The following TNRC6A variants were observed in gnomAD, a reference collection of about 807,000 sequenced individuals.
TNRC6A encodes the protein trinucleotide repeat-containing gene 6A protein.
Under a neutral mutation model 221.2 loss-of-function variants are expected in TNRC6A, and 44 were observed. That is an observed-to-expected ratio of 0.20 (90% CI 0.16 to 0.26). TNRC6A has a LOEUF of 0.26. TNRC6A is among the 10% of genes least tolerant of loss of function. The pLI, the probability that TNRC6A is intolerant of heterozygous loss-of-function variation, is 1.00. For missense variants in TNRC6A, 2,199 were observed against 2,404.4 expected (o/e 0.91, Z 1.79); for synonymous variants, 847 against 838.5 (o/e 1.01, Z -0.18).
At chr16:24,616,669 G>T (rs1467825555) in intron 1 of TNRC6A, among the ~76,000 whole-genome samples, 2 of 152,114 alleles carry the variant, frequency 1.3e-5, no homozygotes, top group African/African-American at 2.4e-5. Context: ...GGTGGTTCAT[G>T]CCTGTAATCC....
intron 4 of TNRC6A, among the ~76,000 whole-genome samples, chr16:24,761,788 C>T (rs1016218806): frequency 2.0e-5 from 3 of 152,120 alleles, no homozygotes; most frequent in Non-Finnish European, 4.4e-5. Flanking sequence ...GCCTCAGGCT[C>T]CTGAGTAGTT....
At position 24,823,814 on chromosome 16, in the gene TNRC6A, A is replaced by G; in HGVS notation, c.*7A>G. 2 of 1,398,526 alleles carry G rather than the reference A, an allele frequency of 1.4e-6. No individual in the cohort carries two copies. The highest frequency in any genetic ancestry group is 1.9e-6 in the Non-Finnish European group (2 of 1,072,450). 86.6% of individuals were successfully genotyped at this position (1,398,526 alleles called of 1,614,324 possible). Reference sequence around the variant, plus strand: ...GGGTGGAGAGTCCATGTAACAGTGTAGATGCAGACTCACCGACCGGGACCT... The same window carrying G: ...GGGTGGAGAGTCCATGTAACAGTGTGGATGCAGACTCACCGACCGGGACCT... On this transcript the variant is annotated 3_prime_UTR_variant, in exon 25 of 25. Transcript: ENST00000395799. The surrounding 1 kb of genome is among the most constrained non-coding windows in gnomAD (Gnocchi z 4.3).
At chr16:24,762,204 T>A (rs944621451) in intron 4 of TNRC6A, among the ~76,000 whole-genome samples, 24 of 152,330 alleles carry the variant, frequency 1.6e-4, no homozygotes, top group Admixed American at 3.9e-4. Context: ...TGAAATTAAG[T>A]CAACATTTAT....
At position 24,793,878 on chromosome 16, in the gene TNRC6A, A is replaced by G. The variant is rs11860117; in HGVS notation, c.3352+229A>G. 8.6e-3 allele frequency among the ~76,000 whole-genome samples: 1,317 copies of G among 152,308 alleles called. 22 individuals carry two copies. The highest frequency in any genetic ancestry group is 0.03 in the African/African-American group (1,250 of 41,550). On this transcript the variant is annotated intron_variant, in intron 7 of 24. Coordinates refer to ENST00000395799, the MANE Select transcript of TNRC6A (RefSeq NM_014494.4). ...TAGAACTGTAACTATTCATTTGCATATACTTCATCAAATCTAAATTATATT... is the reference window on the plus strand; with the variant it reads ...TAGAACTGTAACTATTCATTTGCATGTACTTCATCAAATCTAAATTATATT...
intron 1 of TNRC6A, among the ~76,000 whole-genome samples, chr16:24,630,183 C>T (rs969220527): frequency 1.3e-5 from 2 of 152,122 alleles, no homozygotes; most frequent in Non-Finnish European, 2.9e-5. Flanking sequence ...GCTTTCTCTC[C>T]TTTTATAGTA....
chr16:24,665,211 A>G (rs2055132951), intron 2 of TNRC6A, among the ~76,000 whole-genome samples: 1 of 152,054 alleles, frequency 6.6e-6, no homozygotes, highest in Non-Finnish European at 1.5e-5. Context: ...CTGGGACTAC[A>G]AGCTCATGTT....
chr16:24,635,677 C>A (rs562427705), intron 1 of TNRC6A, among the ~76,000 whole-genome samples: 1 of 152,188 alleles, frequency 6.6e-6, no homozygotes, highest in Non-Finnish European at 1.5e-5. Context: ...AAACAATTAC[C>A]ATTTGTGTAT....
intron 2 of TNRC6A, among the ~76,000 whole-genome samples, chr16:24,699,740 C>G (rs2055932779): frequency 6.7e-6 from 1 of 149,036 alleles, no homozygotes; most frequent in African/African-American, 2.5e-5. Flanking sequence ...AAAAAAAAAG[C>G]TTCTGAGAAA....
At chr16:24,635,069 T>C (rs1901555561) in intron 1 of TNRC6A, among the ~76,000 whole-genome samples, 1 of 151,556 alleles carries the variant, frequency 6.6e-6, no homozygotes, top group African/African-American at 2.4e-5. Context: ...GTCACCTTTC[T>C]TTCTTTTTCT....
rs1293113046 is a variant in TNRC6A, at chr16:24,825,100, CAA to C, written c.*1294_*1295del. ...AATCAGTAACTATGCATACTGTAAC[CAA>C]GGTATTGGGCTTACAGAGTTGTTTG... On this transcript the variant is annotated 3_prime_UTR_variant, in exon 25 of 25. Coordinates refer to ENST00000395799, the MANE Select transcript of TNRC6A (RefSeq NM_014494.4). The C allele has an allele frequency of 6.6e-6, 1 of 152,550 alleles. No homozygotes were observed. Among genetic ancestry groups the C allele is most frequent in the African/African-American group, 2.4e-5 (1 of 41,414 alleles). The allele number at this position is 152,550 out of a possible 1,614,324, so 9.4% of individuals were successfully genotyped here.
intron 1 of TNRC6A, among the ~76,000 whole-genome samples, chr16:24,611,980 G>A (rs1260711207): frequency 1.3e-5 from 2 of 152,128 alleles, no homozygotes; most frequent in Admixed American, 6.6e-5. Flanking sequence ...TGTAATCCCA[G>A]CTACTCGAGA....
At chr16:24,746,733 T>C (rs2057018693) in intron 2 of TNRC6A, among the ~76,000 whole-genome samples, 1 of 152,220 alleles carries the variant, frequency 6.6e-6, no homozygotes, top group East Asian at 1.9e-4. Context: ...ATACTTCTGA[T>C]AGCAAGTACA....
At chr16:24,718,357 T>C (rs1489808950) in intron 2 of TNRC6A, among the ~76,000 whole-genome samples, 1 of 152,224 alleles carries the variant, frequency 6.6e-6, no homozygotes, top group East Asian at 1.9e-4. Flanking sequence ...GACTCACATC[T>C]GTATTCTTAT....
At chr16:24,781,043 CTTTTTTTTTTTTTT>C (rs35502747) in intron 5 of TNRC6A, among the ~76,000 whole-genome samples, 4 of 53,426 alleles carry the variant, frequency 7.5e-5, no homozygotes, top group African/African-American at 3.5e-4. Flanking sequence ...CCTCCATACT[CTTTTTTTTTTTTTT>C]TTTTTTTTTT....
At position 24,696,347 on chromosome 16, in the gene TNRC6A, CA is replaced by C. The variant is rs56696667; in HGVS notation, n.403-54359del. Among the ~76,000 whole-genome samples, 593 of 125,562 alleles carry C rather than the reference CA, an allele frequency of 4.7e-3. 5 individuals carry two copies. The highest frequency in any genetic ancestry group is 0.016 in the African/African-American group (545 of 33,834). 82.4% of individuals were successfully genotyped at this position (125,562 alleles called of 152,430 possible). On this transcript the variant is annotated intron_variant and non_coding_transcript_variant, in intron 2 of 2. Coordinates refer to the TNRC6A transcript ENST00000566108. The stretch of plus-strand genomic sequence containing the variant: ...TGAGCGACAGAGTCAGACTCCATCT[CA>C]AAAAAAAAAAAAAAAAAAAGAAAGT...
chr16:24,640,457 G>C (rs141905750), intron 1 of TNRC6A, among the ~76,000 whole-genome samples: 3,786 of 151,816 alleles, frequency 0.025, 151 homozygotes, highest in African/African-American at 0.086. Context: ...GCTGGTCACA[G>C]TGGCTCACAC....
chr16:24,649,190 G>T, intron 2 of TNRC6A, among the ~76,000 whole-genome samples: 1 of 152,220 alleles, frequency 6.6e-6, no homozygotes, highest in East Asian at 1.9e-4. Flanking sequence ...ATATATTTAT[G>T]ATGCACAATT....
rs921417174 is a variant in TNRC6A at position 24,791,353 on chromosome 16, C to T, written c.2711C>T (p.Pro904Leu). ...TTCACTTGGGGAAACAACATAAATC[C>T]AAATAATTCATCAGGATGGGATGAA... ...SSFTWGNNINPNNSSGWDESS... is the reference protein window; with the variant it reads ...SSFTWGNNINLNNSSGWDESS... Residue 904 changes from proline to leucine, a missense_variant, in exon 6 of 25, where the codon CCA (proline) becomes CTA (leucine). This residue lies in a region of TNRC6A where 1,405 missense variants were observed against 1,400.2 expected (regional missense o/e 1.00). Coordinates refer to ENST00000395799, the MANE Select transcript of TNRC6A (RefSeq NM_014494.4). 1 of 1,597,548 alleles carries T rather than the reference C, an allele frequency of 6.3e-7. No homozygotes were observed. Among genetic ancestry groups the T allele is most frequent in the Non-Finnish European group, 8.5e-7 (1 of 1,171,940 alleles).
intron 1 of TNRC6A, among the ~76,000 whole-genome samples, chr16:24,630,100 A>G (rs1030620821): frequency 2.6e-5 from 4 of 152,230 alleles, no homozygotes; most frequent in African/African-American, 4.8e-5. Context: ...AGAAGCAATT[A>G]GAAAAGAATG....
Sources: gnomAD v4.1 joint callset for allele counts (sites outside exome capture counted in the v4.1 genomes callset) on GRCh38, gnomAD v4.1.1 for gene constraint, gnomAD v4.1.1 regional missense constraint, Gnocchi (gnomAD v3.1) non-coding constraint, MANE v1.5 for transcripts, NCBI Gene and HGNC (gene_info 2026-07-23, HGNC 2026-07-21) for gene names.